The following MAGI3 variants were observed in gnomAD, a reference collection of about 807,000 sequenced individuals.
The protein encoded by MAGI3 is membrane associated guanylate kinase, WW and PDZ domain containing 3, also known as membrane-associated guanylate kinase, WW and PDZ domain-containing protein 3.
A neutral mutation model predicts 121.8 loss-of-function variants in MAGI3; 43 were observed. The observed-to-expected ratio is 0.35, with a 90% CI of 0.28 to 0.46. MAGI3 has a LOEUF of 0.46. Ranked by LOEUF, MAGI3 falls within the 20% of genes least tolerant of loss-of-function variation. MAGI3 has a pLI of 1.00. For synonymous variants in MAGI3, 553 were observed against 639.3 expected (o/e 0.86, Z 2.04); for missense variants, 1,547 against 1,797.3 (o/e 0.86, Z 2.52).
rs1034634373 is a variant in MAGI3 at position 113,390,878 on chromosome 1, C to T, written c.-156C>T. ...CGTCTCGCGTCTGGGAACGGCCGGGCCCCCAGCGGGCTGTGGTCGCGGGGT... is the reference window on the plus strand; with the variant it reads ...CGTCTCGCGTCTGGGAACGGCCGGGTCCCCAGCGGGCTGTGGTCGCGGGGT... On this transcript the variant is annotated 5_prime_UTR_variant, in exon 1 of 21. Transcript: ENST00000307546. The T allele has an allele frequency of 1.9e-5, 7 of 373,392 alleles. No homozygotes were observed. The highest frequency in any genetic ancestry group is 5.1e-5 in the Admixed American group (1 of 19,444). The allele number at this position is 373,392 out of a possible 1,614,324, so 23.1% of individuals were successfully genotyped here. A position where few individuals can be genotyped will look rare whatever the true frequency, so the allele number is the denominator to read the frequency against.
rs555966705 is a variant in MAGI3 at position 113,506,346 on chromosome 1, T to TTAG, written c.317-43167_317-43165dup. Among the ~76,000 whole-genome samples the TTAG allele has an allele frequency of 5.3e-5, 8 of 152,074 alleles. No homozygotes were observed. The South Asian group carries it at 1.7e-3, about 32-fold the overall frequency. On this transcript the variant is annotated intron_variant, in intron 1 of 20. Transcript: ENST00000307546. ...GCAAAGCAGATAAATTAAAAGGAGG[T>TTAG]TAGTGGTTAAAACTTCTCTTTCCTA...
intron 1 of MAGI3, among the ~76,000 whole-genome samples, chr1:113,449,360 G>GGTGGGTGTGTGT (rs1654357800): frequency 6.8e-6 from 1 of 147,234 alleles, no homozygotes. Flanking sequence ...TTACTTTTAT[G>GGTGGGTGTGTGT]GTGTGTGTGT....
intron 1 of MAGI3, among the ~76,000 whole-genome samples, chr1:113,510,094 A>C (rs1250003416): frequency 6.6e-6 from 1 of 152,150 alleles, no homozygotes; most frequent in Non-Finnish European, 1.5e-5. Context: ...AAAGATTGTC[A>C]ATGTAGTGTT....
At chr1:113,574,762 A>G (rs1049518765) in intron 2 of MAGI3, among the ~76,000 whole-genome samples, 65 of 152,290 alleles carry the variant, frequency 4.3e-4, no homozygotes, top group Non-Finnish European at 7.3e-4. Context: ...GTTCTCCTGG[A>G]TAATATCCTG....
At chr1:113,590,436 A>G (rs1363835842) in intron 4 of MAGI3, 48 bp from the exon 5 acceptor site, 3 of 1,585,908 alleles carry the variant, frequency 1.9e-6, no homozygotes, top group Admixed American at 1.8e-5. Flanking sequence ...TTGAAGAAGA[A>G]TATAACTTTA....
At chr1:113,555,994 C>T (rs1044947927) in intron 2 of MAGI3, among the ~76,000 whole-genome samples, 1 of 152,080 alleles carries the variant, frequency 6.6e-6, no homozygotes, top group Non-Finnish European at 1.5e-5. Context: ...AAGGAGATTA[C>T]AAAATATTAC....
chr1:113,493,356 G>C (rs1001199138), intron 1 of MAGI3, among the ~76,000 whole-genome samples: 2 of 152,146 alleles, frequency 1.3e-5, no homozygotes, highest in Non-Finnish European at 2.9e-5. Flanking sequence ...ATTGAAACTG[G>C]ATGCCTTCCT....
In MAGI3 at chr1:113,402,464, G is replaced by GA. The variant is rs1449946894; in HGVS notation, c.316+11120dup. ...GGTTAGTTACTTTAGCTTTAGCTTT[G>GA]AAAAATCATTTTTCCTATCGGAGAT... On this transcript the variant is annotated intron_variant, in intron 1 of 20. Transcript: ENST00000307546. 2.7e-4 allele frequency among the ~76,000 whole-genome samples: 41 copies of GA among 152,090 alleles called. 1 individual carries two copies. Among genetic ancestry groups the GA allele is most frequent in the Non-Finnish European group, 8.8e-5 (6 of 68,008 alleles).
intron 1 of MAGI3, among the ~76,000 whole-genome samples, chr1:113,395,087 G>GGTT (rs544346451): frequency 3.0e-5 from 1 of 33,244 alleles, no homozygotes; most frequent in Non-Finnish European, 5.1e-5. Context: ...CTTTTTGTTA[G>GGTT]TTTTTTTTTT....
At chr1:113,503,053 C>G (rs1657096705) in intron 1 of MAGI3, among the ~76,000 whole-genome samples, 1 of 60,178 alleles carries the variant, frequency 1.7e-5, no homozygotes, top group Non-Finnish European at 2.8e-5. Flanking sequence ...GAATATCACA[C>G]TCTGGGGACT....
At chr1:113,574,901 C>G (rs1647526404) in intron 2 of MAGI3, among the ~76,000 whole-genome samples, 1 of 152,038 alleles carries the variant, frequency 6.6e-6, no homozygotes, top group African/African-American at 2.4e-5. Context: ...ATTCTTTTTT[C>G]TCTAATTTTG....
chr1:113,427,102 T>C (rs1653051439), intron 1 of MAGI3, among the ~76,000 whole-genome samples: 1 of 152,192 alleles, frequency 6.6e-6, no homozygotes, highest in South Asian at 2.1e-4. Flanking sequence ...GTGATTTCAA[T>C]GATGTTTAAG....
At chr1:113,554,248 C>A (rs1016889050) in intron 2 of MAGI3, among the ~76,000 whole-genome samples, 3 of 151,684 alleles carry the variant, frequency 2.0e-5, no homozygotes, top group Non-Finnish European at 4.4e-5. Context: ...ACAGTATCAA[C>A]ATAATGAAGA....
At chr1:113,591,539 C>CTA (rs1648692501) in intron 5 of MAGI3, among the ~76,000 whole-genome samples, 1 of 152,104 alleles carries the variant, frequency 6.6e-6, no homozygotes, top group Non-Finnish European at 1.5e-5. Context: ...GAGCGTCTTG[C>CTA]TATACCAAAT....
intron 4 of MAGI3, among the ~76,000 whole-genome samples, chr1:113,588,948 G>T (rs1356084719): frequency 6.6e-6 from 1 of 152,138 alleles, no homozygotes; most frequent in African/African-American, 2.4e-5. Flanking sequence ...TTTTTATGTG[G>T]TTGGATATGA....
At chr1:113,527,823 A>G (rs563025070) in intron 1 of MAGI3, among the ~76,000 whole-genome samples, 1 of 152,338 alleles carries the variant, frequency 6.6e-6, no homozygotes, top group South Asian at 2.1e-4. Context: ...ACCTATTGCT[A>G]GAATTAGTTA....
At chr1:113,682,340 G>C in intron 20 of MAGI3, 1 of 1,558,562 alleles carries the variant, frequency 6.4e-7, no homozygotes, top group Non-Finnish European at 8.6e-7. Flanking sequence ...TTCTTCTTTT[G>C]TTTTCTTTTA....
chr1:113,486,252 T>A (rs550351104), intron 1 of MAGI3, among the ~76,000 whole-genome samples: 2 of 152,286 alleles, frequency 1.3e-5, no homozygotes, highest in Non-Finnish European at 2.9e-5. Flanking sequence ...GCAATTCCAG[T>A]TTGATATTGG....
intron 1 of MAGI3, among the ~76,000 whole-genome samples, chr1:113,421,045 T>G (rs1226545951): frequency 6.6e-6 from 1 of 152,212 alleles, no homozygotes; most frequent in Admixed American, 6.5e-5. Context: ...TATTTTTTTC[T>G]TGAAAGGTAT....
Sources: allele counts gnomAD v4.1 joint callset (sites outside exome capture counted in the v4.1 genomes callset), GRCh38; gene constraint gnomAD v4.1.1; transcripts MANE v1.5; gene names NCBI Gene and HGNC (gene_info 2026-07-23, HGNC 2026-07-21).